HIRA: variants seen among roughly 807,000 people sequenced by gnomAD.
HIRA encodes the protein histone cell cycle regulator.
A neutral mutation model predicts 126.6 loss-of-function variants in HIRA; 13 were observed. The observed-to-expected ratio is 0.10, with a 90% CI of 0.07 to 0.16. The LOEUF (loss-of-function observed/expected upper bound fraction) is 0.16, where lower values mean the gene tolerates loss of function less well. Ranked by LOEUF, HIRA falls within the 10% of genes least tolerant of loss-of-function variation. HIRA has a pLI of 1.00. For synonymous variants in HIRA, 511 were observed against 520.0 expected (o/e 0.98, Z 0.24); for missense variants, 834 against 1,314.4 (o/e 0.63, Z 5.65).
chr22:19,422,472 G>A (rs1013708863), intron 1 of HIRA, among the ~76,000 whole-genome samples: 13 of 152,108 alleles, frequency 8.5e-5, no homozygotes, highest in South Asian at 4.1e-4. Context: ...TAAAACTCAC[G>A]TCAGATCACA....
At position 19,353,452 on chromosome 22, in the gene HIRA, A is replaced by G. The variant is rs782796094; in HGVS notation, c.2752T>C (p.Tyr918His). Residue 918 changes from tyrosine to histidine, a missense_variant, in exon 23 of 25, where the codon TAC (tyrosine) becomes CAC (histidine). By Grantham distance (83) the Tyr-to-His change is moderately conservative. Around this residue, in one of 5 missense-constraint regions of HIRA, gnomAD observed 468 missense variants for 574.2 expected, o/e 0.82. Transcript: ENST00000263208. ...GCTGCTGCCACCTGGTTCTCTAGGT[A>G]GGCCAGGGTGGTCTCTTGCTGCACC... ...HVVQQETTLA[Y>H]LENQVAAALT... 1.9e-6 allele frequency: 3 copies of G among 1,613,054 alleles called. No individual in the cohort carries two copies. The highest frequency in any genetic ancestry group is 3.3e-5 in the Admixed American group (2 of 59,994).
At chr22:19,378,237 T>A (rs1481168533) in intron 13 of HIRA, among the ~76,000 whole-genome samples, 171 bp from the exon 14 acceptor site, 2 of 152,210 alleles carry the variant, frequency 1.3e-5, no homozygotes, top group Non-Finnish European at 2.9e-5. Flanking sequence ...ATATACTATA[T>A]TTAATTGAAT....
intron 14 of HIRA, among the ~76,000 whole-genome samples, chr22:19,376,495 G>A (rs568510896): frequency 6.6e-6 from 1 of 152,226 alleles, no homozygotes; most frequent in East Asian, 1.9e-4. Flanking sequence ...CACACCACAT[G>A]CCTGGTAGTC....
intron 15 of HIRA, among the ~76,000 whole-genome samples, chr22:19,373,648 G>A (rs2088988663): frequency 2.0e-5 from 3 of 152,192 alleles, no homozygotes; most frequent in Non-Finnish European, 4.4e-5. Context: ...CATGAGGGCA[G>A]ACCTGTGGTT....
chr22:19,392,176 A>G lies in HIRA; in HGVS notation c.861T>C (p.Asn287=), dbSNP rs1167431569. The part of the protein sequence containing the change: ...NPKIFKKKQK[N]GSSAKPSCPY... ...GGCAGCTAGGCTTCGCAGAACTCCC[A>G]TTCTTCTGCTTCTTTTTGAAGATTT... Residue 287 remains asparagine, a synonymous_variant, in exon 9 of 25, where the codon AAT becomes AAC. Coordinates refer to ENST00000263208, the MANE Select transcript of HIRA (RefSeq NM_003325.4). 6.2e-7 allele frequency: 1 copy of G among 1,609,284 alleles called. No individual in the cohort carries two copies. The highest frequency in any genetic ancestry group is 1.7e-5 in the Admixed American group (1 of 59,934).
intron 24 of HIRA, among the ~76,000 whole-genome samples, chr22:19,350,813 T>C (rs2088748534): frequency 6.6e-6 from 1 of 152,106 alleles, no homozygotes; most frequent in Non-Finnish European, 1.5e-5. Context: ...CAAGCACTCC[T>C]TGCTTTTACT....
At chr22:19,343,724 G>C (rs2088656527) in intron 24 of HIRA, among the ~76,000 whole-genome samples, 1 of 151,556 alleles carries the variant, frequency 6.6e-6, no homozygotes, top group African/African-American at 2.4e-5. Context: ...CTAGGAATTT[G>C]AGACCAGCCT....
chr22:19,354,523 T>C (rs781849004), intron 21 of HIRA, among the ~76,000 whole-genome samples: 11 of 152,222 alleles, frequency 7.2e-5, no homozygotes, highest in Non-Finnish European at 1.2e-4. Flanking sequence ...GGCCTCTACC[T>C]GCCTGTATTT....
chr22:19,417,199 CA>C (rs1468157746), intron 1 of HIRA, among the ~76,000 whole-genome samples: 8 of 149,850 alleles, frequency 5.3e-5, no homozygotes, highest in Non-Finnish European at 1.2e-4. Context: ...GACTCTGTCT[CA>C]AAAAAGAAAA....
At chr22:19,379,628 TAAAAAAA>T (rs753015452) in intron 13 of HIRA, among the ~76,000 whole-genome samples, 3 of 130,976 alleles carry the variant, frequency 2.3e-5, no homozygotes, top group Non-Finnish European at 3.3e-5. Context: ...TCGCCTCAAT[TAAAAAAA>T]AAAAAAAAGA....
intron 24 of HIRA, among the ~76,000 whole-genome samples, chr22:19,344,823 T>C (rs2088668645): frequency 6.6e-6 from 1 of 152,180 alleles, no homozygotes; most frequent in East Asian, 1.9e-4. Context: ...AAGAATGGTT[T>C]AACATATGAA....
intron 19 of HIRA, 40 bp from the exon 20 acceptor site, chr22:19,356,328 G>A: frequency 7.0e-6 from 11 of 1,576,128 alleles, no homozygotes; most frequent in Non-Finnish European, 9.6e-6. Flanking sequence ...ACCAACCCAG[G>A]TAAACACATC....
chr22:19,362,778 C>T (rs113106910), intron 15 of HIRA, among the ~76,000 whole-genome samples: 18 of 151,404 alleles, frequency 1.2e-4, no homozygotes, highest in African/African-American at 4.4e-4. Flanking sequence ...CCAGGCCAGT[C>T]TTGAACTCCT....
At chr22:19,395,265 G>A (rs2089213467) in intron 7 of HIRA, among the ~76,000 whole-genome samples, 1 of 152,166 alleles carries the variant, frequency 6.6e-6, no homozygotes, top group Non-Finnish European at 1.5e-5. Context: ...CAGCTCTAGA[G>A]CAGGACATGA....
intron 5 of HIRA, among the ~76,000 whole-genome samples, chr22:19,398,408 T>C (rs2089240685): frequency 6.6e-6 from 1 of 152,224 alleles, no homozygotes; most frequent in African/African-American, 2.4e-5. Flanking sequence ...CCCTGCTGAC[T>C]TGCTTTGCCA....
rs2088806584 is a variant in HIRA at position 19,355,818 on chromosome 22, G to A, written c.2503C>T (p.Pro835Ser). Reference sequence around the variant, plus strand: ...TTCCCATCGGACAGGTTCATTACTGGGATTCCATGCTGCGTCAGCAAGATC... The same window carrying A: ...TTCCCATCGGACAGGTTCATTACTGAGATTCCATGCTGCGTCAGCAAGATC... The part of the protein sequence containing the change: ...SQILLTQHGI[P>S]VMNLSDGKAY... Residue 835 changes from proline (P) to serine (S), a missense_variant, in exon 21 of 25, where the codon CCA becomes TCA. Transcript: ENST00000263208. The A allele has an allele frequency of 6.2e-7, 1 of 1,614,046 alleles. No homozygotes were observed. The highest frequency in any genetic ancestry group is 8.5e-7 in the Non-Finnish European group (1 of 1,179,948).
intron 1 of HIRA, among the ~76,000 whole-genome samples, chr22:19,415,674 A>T (rs2089390324): frequency 1.3e-5 from 2 of 152,142 alleles, no homozygotes; most frequent in Non-Finnish European, 2.9e-5. Flanking sequence ...CTATAATCCC[A>T]GCTACTTGGG....
intron 8 of HIRA, among the ~76,000 whole-genome samples, chr22:19,392,665 G>C (rs2089192414): frequency 6.6e-6 from 1 of 152,214 alleles, no homozygotes; most frequent in Non-Finnish European, 1.5e-5. Flanking sequence ...GGAGGGGTGT[G>C]AATCTCTGAA....
rs371132503 is a variant in HIRA at position 19,387,009 on chromosome 22, C to G, written c.1113+702G>C. On this transcript the variant is annotated intron_variant, in intron 11 of 24. Coordinates refer to ENST00000263208, the MANE Select transcript of HIRA (RefSeq NM_003325.4). ...CCTGCTCTGGGCTTTCACAGAGCTCCCTTCAGACACATACACACAACCCAC... is the reference window on the plus strand; with the variant it reads ...CCTGCTCTGGGCTTTCACAGAGCTCGCTTCAGACACATACACACAACCCAC... Among the ~76,000 whole-genome samples the G allele has an allele frequency of 6.5e-4, 99 of 152,284 alleles. 1 individual carries two copies. The East Asian group carries it at 0.016, about 25-fold the overall frequency.
Sources: gnomAD v4.1 joint callset for allele counts (sites outside exome capture counted in the v4.1 genomes callset) on GRCh38, gnomAD v4.1.1 for gene constraint, gnomAD v4.1.1 regional missense constraint, MANE v1.5 for transcripts, NCBI Gene and HGNC (gene_info 2026-07-23, HGNC 2026-07-21) for gene names.